The following KIF19 variants were observed in gnomAD, a reference collection of about 807,000 sequenced individuals.
The protein encoded by KIF19 is kinesin-like protein KIF19.
Under a neutral mutation model 106.6 loss-of-function variants are expected in KIF19, and 98 were observed. The observed-to-expected ratio is 0.92, with a 90% confidence interval of 0.78 to 1.09. KIF19 has a LOEUF of 1.09. Among genes scored for constraint, KIF19 ranks in the 50% least tolerant of loss-of-function variants. The pLI is 0.00. For missense variants in KIF19, 1,373 were observed against 1,414.3 expected (o/e 0.97, Z 0.47); for synonymous variants, 516 against 584.2 (o/e 0.88, Z 1.68).
chr17:74,354,985 A>C, intron 19 of KIF19, 44 bp downstream of exon 19: 1 of 1,566,430 alleles, frequency 6.4e-7, no homozygotes, highest in East Asian at 2.3e-5. Context: ...GGCCTCCACC[A>C]GGCAGGGGAG....
chr17:74,347,756 C>T (rs1463852397), intron 8 of KIF19, 21 bp from the exon 9 acceptor site: 15 of 1,585,420 alleles, frequency 9.5e-6, no homozygotes, highest in Non-Finnish European at 1.2e-5. Context: ...TCCCCACTGA[C>T]CACAGCCACC....
At position 74,326,290 on chromosome 17, in the gene KIF19, T is replaced by C. The variant is rs1046446529; in HGVS notation, c.-60T>C. On this transcript the variant is annotated 5_prime_UTR_variant, in exon 1 of 20. Transcript: ENST00000389916. ...GCTGGCGGACGCGACCCGGAGGCGGTGGGGGTGCGGCTGAGCCATGCCCGG... is the reference window on the plus strand; with the variant it reads ...GCTGGCGGACGCGACCCGGAGGCGGCGGGGGTGCGGCTGAGCCATGCCCGG... The C allele has an allele frequency of 6.5e-7, 1 of 1,528,708 alleles. No homozygotes were observed. Among genetic ancestry groups the C allele is most frequent in the African/African-American group, 1.4e-5 (1 of 70,432 alleles). The allele number at this position is 1,528,708 out of a possible 1,614,324, so 94.7% of individuals were successfully genotyped here. A position where few individuals can be genotyped will look rare whatever the true frequency, so the allele number is the denominator to read the frequency against.
At position 74,354,175 on chromosome 17, in the gene KIF19, C is replaced by T. The variant is rs1190918502; in HGVS notation, c.2322C>T (p.Ile774=). ...GTCCCGCTGCAGAGAGGAAGGAGAT[C>T]CTGACTGGCACCAAGTGCATCTGGG... The part of the protein sequence containing the change: ...IPLSHKERKE[I]LTGTKCIWVK... The change falls in exon 18 of 20, where the codon ATC becomes ATT. Residue 774 remains isoleucine (I), a synonymous_variant. Coordinates refer to ENST00000389916, the MANE Select transcript of KIF19 (RefSeq NM_153209.4). 1 of 1,607,632 alleles carries T rather than the reference C, an allele frequency of 6.2e-7. No individual in the cohort carries two copies. Among genetic ancestry groups the T allele is most frequent in the East Asian group, 2.2e-5 (1 of 44,852 alleles).
Position 74,352,270 on chromosome 17 carries a change from T to C in KIF19, c.1910T>C (p.Leu637Pro). 1 of 1,612,888 alleles carries C rather than the reference T, an allele frequency of 6.2e-7. No homozygotes were observed. Among genetic ancestry groups the C allele is most frequent in the Non-Finnish European group, 8.5e-7 (1 of 1,179,710 alleles). ...QRLEELYEVYLRELEEGSLEQ... is the reference protein window; with the variant it reads ...QRLEELYEVYPRELEEGSLEQ... ...CTGGAAGAGCTCTACGAAGTGTACCTGCGGGAGCTGGAGGAGGGCAGCCTG... is the reference window on the plus strand; with the variant it reads ...CTGGAAGAGCTCTACGAAGTGTACCCGCGGGAGCTGGAGGAGGGCAGCCTG... The change falls in exon 14 of 20, where the codon CTG becomes CCG. Residue 637 changes from leucine to proline, a missense_variant. Physicochemically the swap from Leu to Pro is moderately conservative, Grantham distance 98. Transcript: ENST00000389916.
At position 74,355,209 on chromosome 17, in the gene KIF19, T is replaced by TC; in HGVS notation, c.2894_2895insC (p.Pro966SerfsTer33). ...CCGGGGGACTCCTCACCCCTGGCTG[T>TC]TCCCCCCAACCCAGGTGGTGGTTCT... On this transcript the variant is annotated frameshift_variant, in exon 20 of 20. Transcript: ENST00000389916. LOFTEE classifies it low-confidence loss of function (END_TRUNC). 1 of 1,610,752 alleles carries TC rather than the reference T, an allele frequency of 6.2e-7. No individual in the cohort carries two copies. Among genetic ancestry groups the TC allele is most frequent in the Non-Finnish European group, 8.5e-7 (1 of 1,178,422 alleles).
At position 74,354,306 on chromosome 17, in the gene KIF19, G is replaced by T; in HGVS notation, c.2453G>T (p.Gly818Val). Residue 818 changes from glycine to valine, a missense_variant, in exon 18 of 20, where the codon GGC becomes GTC. This residue lies in a region of KIF19 where 1,020 missense variants were observed against 1,008.2 expected (regional missense o/e 1.01). Transcript: ENST00000389916. ...SSLSLHSLSE[G>V]DDARPPGPLA... ...CTGTCCCTGCACTCACTGAGCGAGG[G>T]CGACGATGCGCGGCCACCAGGCCCA... The T allele has an allele frequency of 6.2e-7, 1 of 1,608,268 alleles. No homozygotes were observed.
At chr17:74,345,588 C>A (rs1201225623) in intron 7 of KIF19, among the ~76,000 whole-genome samples, 1 of 151,356 alleles carries the variant, frequency 6.6e-6, no homozygotes, top group Non-Finnish European at 1.5e-5. Context: ...TAGGTCTGGG[C>A]TCCCTCGTGC....
intron 2 of KIF19, among the ~76,000 whole-genome samples, chr17:74,332,562 T>C (rs1194980065): frequency 6.6e-6 from 1 of 152,116 alleles, no homozygotes; most frequent in Non-Finnish European, 1.5e-5. Context: ...GTATGTCCCA[T>C]CATTAGCATT....
chr17:74,354,213 G>A lies in KIF19; in HGVS notation c.2360G>A (p.Arg787Gln), dbSNP rs575641456. ...GTKCIWVKAA[R>Q]RRSRALGTEG... ...AAGTGCATCTGGGTGAAGGCCGCCC[G>A]GCGGCGCTCGCGGGCCCTGGGAACC... The change falls in exon 18 of 20, where the codon CGG (arginine) becomes CAG (glutamine). Residue 787 changes from arginine (R) to glutamine (Q), a missense_variant. Physicochemically the swap from Arg to Gln is conservative, Grantham distance 43. Coordinates refer to ENST00000389916, the MANE Select transcript of KIF19 (RefSeq NM_153209.4). The A allele has an allele frequency of 8.2e-5, 132 of 1,609,300 alleles. 1 individual carries two copies. The highest frequency in any genetic ancestry group is 3.3e-4 in the Middle Eastern group (2 of 6,048).
chr17:74,332,205 TGTGTTTGTGTGTG>T (rs1567897529), intron 2 of KIF19, among the ~76,000 whole-genome samples: 3 of 54,676 alleles, frequency 5.5e-5, no homozygotes, highest in South Asian at 6.6e-4. Context: ...TGTGTGTGTG[TGTGTTTGTGTGTG>T]TGTGTGTGTG....
intron 10 of KIF19, among the ~76,000 whole-genome samples, chr17:74,350,174 A>T (rs1029367776): frequency 1.3e-5 from 2 of 152,190 alleles, no homozygotes; most frequent in Non-Finnish European, 1.5e-5. Flanking sequence ...AGCCCAGTTC[A>T]TACCAAGGAG....
At position 74,355,512 on chromosome 17, in the gene KIF19, G is replaced by A. The variant is rs1340231214; in HGVS notation, c.*200G>A. On this transcript the variant is annotated 3_prime_UTR_variant, in exon 20 of 20. Transcript: ENST00000389916. ...CAGTGCCACTGGGGAAAAGAGGTGA[G>A]GCCAGGGGACATGGCCAGGACGGCT... is the stretch of plus-strand genomic sequence containing the variant. The A allele has an allele frequency of 4.5e-6, 3 of 673,188 alleles. No individual in the cohort carries two copies. Among genetic ancestry groups the A allele is most frequent in the African/African-American group, 3.6e-5 (2 of 55,380 alleles). The allele number at this position is 673,188 out of a possible 1,614,324, so 41.7% of individuals were successfully genotyped here. A position where few individuals can be genotyped will look rare whatever the true frequency, so the allele number is the denominator to read the frequency against.
chr17:74,333,822 C>T (rs1395051435), intron 2 of KIF19, among the ~76,000 whole-genome samples: 1 of 150,112 alleles, frequency 6.7e-6, no homozygotes, highest in African/African-American at 2.4e-5. Context: ...CACATTATAG[C>T]TCCTATCAGA....
At chr17:74,340,268 T>G (rs977661289) in intron 2 of KIF19, among the ~76,000 whole-genome samples, 16 of 152,164 alleles carry the variant, frequency 1.1e-4, no homozygotes, top group African/African-American at 3.6e-4. Context: ...CACGCATCTT[T>G]GAATGTCTCC....
At chr17:74,344,191 TTCCC>T (rs2054462567) in intron 5 of KIF19, 28 bp from the exon 6 acceptor site, 2 of 1,591,396 alleles carry the variant, frequency 1.3e-6, no homozygotes, top group Non-Finnish European at 1.7e-6. Context: ...TTAGTCTCCC[TTCCC>T]CCACCCCTCC....
chr17:74,337,431 G>A (rs2054250214), intron 2 of KIF19, among the ~76,000 whole-genome samples: 1 of 152,176 alleles, frequency 6.6e-6, no homozygotes, highest in Admixed American at 6.5e-5. Flanking sequence ...GAAGAGCCTT[G>A]GCACATTGAG....
rs564777800 is a variant in KIF19, at chr17:74,343,064, G to A, written c.360G>A (p.Glu120=). The A allele has an allele frequency of 6.2e-7, 1 of 1,612,816 alleles. No individual in the cohort carries two copies. The highest frequency in any genetic ancestry group is 2.2e-5 in the East Asian group (1 of 44,874). ...KTYTMLGTDQ[E]PGIYVQTLND... ...ACACCATGCTGGGCACAGACCAGGAGCCTGGCATCTATGTTCAGACCCTCA... is the reference window on the plus strand; with the variant it reads ...ACACCATGCTGGGCACAGACCAGGAACCTGGCATCTATGTTCAGACCCTCA... The change falls in exon 5 of 20, where the codon GAG becomes GAA. Residue 120 remains glutamate, a synonymous_variant. Transcript: ENST00000389916.
intron 14 of KIF19, 55 bp from the exon 15 acceptor site, chr17:74,352,766 G>C: frequency 6.2e-7 from 1 of 1,608,712 alleles, no homozygotes. Flanking sequence ...ACTCTGTGCT[G>C]ATTTGGTCCA....
Position 74,352,826 on chromosome 17 carries a change from C to T in KIF19, c.1986C>T (p.Ser662=). Residue 662 remains serine (S), a synonymous_variant, in exon 15 of 20, where the codon AGC becomes AGT. Coordinates refer to ENST00000389916, the MANE Select transcript of KIF19 (RefSeq NM_153209.4). ...DQVASRALQD[S]SLPKITPAGT... is the part of the protein sequence containing the mutation. ...CCTGGCTCCCTCCTCCCCAGGACAG[C>T]TCCTTGCCCAAAATTACCCCAGCAG... The T allele has an allele frequency of 2.5e-6, 4 of 1,614,008 alleles. No individual in the cohort carries two copies. Among genetic ancestry groups the T allele is most frequent in the Non-Finnish European group, 2.5e-6 (3 of 1,179,880 alleles).
Sources: allele counts gnomAD v4.1 joint callset (sites outside exome capture counted in the v4.1 genomes callset), GRCh38; gene constraint gnomAD v4.1.1; regional missense constraint gnomAD v4.1.1; transcripts MANE v1.5; gene names NCBI Gene and HGNC (gene_info 2026-07-23, HGNC 2026-07-21).